Variants in CYP20A1 observed in about 807,000 individuals in gnomAD.
CYP20A1 encodes the protein cytochrome P450 family 20 subfamily A member 1, also known as cytochrome P450 20A1.
CYP20A1 carries 61 observed loss-of-function variants against 61.4 expected under a neutral mutation model. That is an observed-to-expected ratio of 0.99 (90% CI 0.81 to 1.23). The LOEUF (loss-of-function observed/expected upper bound fraction) is 1.23. CYP20A1 is among the 50% of genes most tolerant of loss of function. CYP20A1 has a pLI of 0.00. For synonymous variants in CYP20A1, 193 were observed against 188.2 expected, an observed-to-expected ratio of 1.03 and a Z score of -0.21; for missense variants, 530 against 542.4, an observed-to-expected ratio of 0.98 and a Z score of 0.23.
chr2:203,269,556 G>A (rs1575216686), intron 5 of CYP20A1, among the ~76,000 whole-genome samples: 2 of 150,762 alleles, frequency 1.3e-5, no homozygotes, highest in African/African-American at 4.9e-5. Flanking sequence ...ATGCAGTGGT[G>A]CAATCTCGGC....
Position 203,304,481 on chromosome 2 carries a change from G to A in CYP20A1, c.*7573G>A, listed in dbSNP as rs2069147061. 6.6e-6 allele frequency among the ~76,000 whole-genome samples: 1 copy of A among 152,096 alleles called. No individual in the cohort carries two copies. Among genetic ancestry groups the A allele is most frequent in the Admixed American group, 6.6e-5 (1 of 15,262 alleles). ...CAAAGTGCTGGGATTACAGGTGTGA[G>A]CCACAGCGCCCGGCCAAAAAAAGGA... On this transcript the variant is annotated 3_prime_UTR_variant, in exon 13 of 13. Transcript: ENST00000356079.
chr2:203,287,414 G>A (rs1013590676), intron 9 of CYP20A1, among the ~76,000 whole-genome samples: 5 of 151,738 alleles, frequency 3.3e-5, no homozygotes, highest in South Asian at 2.1e-4. Flanking sequence ...CCTTAAGCCC[G>A]TAACAGTTGG....
At chr2:203,273,645 A>G (rs76195997) in intron 6 of CYP20A1, among the ~76,000 whole-genome samples, 1 of 152,044 alleles carries the variant, frequency 6.6e-6, no homozygotes, top group African/African-American at 2.4e-5. Context: ...CAAAAAATTT[A>G]AAAAATTAGC....
chr2:203,273,067 G>A (rs556550695), intron 6 of CYP20A1, among the ~76,000 whole-genome samples: 43 of 152,164 alleles, frequency 2.8e-4, no homozygotes, highest in African/African-American at 8.4e-4. Context: ...GGATGGTCTC[G>A]ATCTCTTGAC....
At chr2:203,258,856 C>A (rs1200559155) in intron 4 of CYP20A1, among the ~76,000 whole-genome samples, 3 of 152,180 alleles carry the variant, frequency 2.0e-5, no homozygotes, top group Non-Finnish European at 4.4e-5. Context: ...TTTAAGCACT[C>A]ACCAGTCAGA....
In CYP20A1 at chr2:203,282,010, A is replaced by C. The variant is rs1469641393; in HGVS notation, c.850+1897A>C. 2.0e-5 allele frequency among the ~76,000 whole-genome samples: 3 copies of C among 150,846 alleles called. No homozygotes were observed. In the Admixed American group the frequency reaches 2.0e-4, roughly 10 times the overall value. On this transcript the variant is annotated intron_variant, in intron 8 of 12. Transcript: ENST00000356079. Reference sequence around the variant, plus strand: ...ATGACTAAATTGAATTTAGGTAAGCATATGTCAAAAATAATGTATTCAACC... The same window carrying C: ...ATGACTAAATTGAATTTAGGTAAGCCTATGTCAAAAATAATGTATTCAACC...
In CYP20A1 at chr2:203,263,019, A is replaced by C. The variant is rs553372070; in HGVS notation, c.433-3495A>C. Among the ~76,000 whole-genome samples, 43 of 143,638 alleles carry C rather than the reference A, an allele frequency of 3.0e-4. No homozygotes were observed. The East Asian group carries it at 6.3e-3, about 21-fold the overall frequency. The allele number at this position is 143,638 out of a possible 152,430, so 94.2% of individuals were successfully genotyped here. On this transcript the variant is annotated intron_variant, in intron 4 of 12. Transcript: ENST00000356079. ...TGTTTTTTGTTTTTTTTTGAGACGA[A>C]GTCTTGCTCTTGTCCCCCAGGCTGG...
intron 5 of CYP20A1, among the ~76,000 whole-genome samples, chr2:203,272,446 G>A (rs971786039): frequency 6.6e-6 from 1 of 151,686 alleles, no homozygotes; most frequent in African/African-American, 2.4e-5. Context: ...GGAGGCTGAG[G>A]TGGGAGAATG....
At chr2:203,261,306 C>T (rs1482518839) in intron 4 of CYP20A1, among the ~76,000 whole-genome samples, 1 of 151,678 alleles carries the variant, frequency 6.6e-6, no homozygotes, top group East Asian at 1.9e-4. Context: ...GCTTATAATC[C>T]CAGCACTTGG....
chr2:203,243,325 G>A (rs1482109248), intron 1 of CYP20A1, among the ~76,000 whole-genome samples: 1 of 151,802 alleles, frequency 6.6e-6, no homozygotes, highest in Non-Finnish European at 1.5e-5. Flanking sequence ...TGTATTTTTA[G>A]TAGAGACAGG....
chr2:203,255,304 T>TA (rs923242147), intron 4 of CYP20A1, among the ~76,000 whole-genome samples: 1 of 152,202 alleles, frequency 6.6e-6, no homozygotes, highest in Non-Finnish European at 1.5e-5. Flanking sequence ...TAATACTTTT[T>TA]AAAAAAACTA....
intron 5 of CYP20A1, among the ~76,000 whole-genome samples, chr2:203,268,606 G>GTTTGT (rs1303482546): frequency 6.1e-5 from 9 of 146,400 alleles, no homozygotes; most frequent in Non-Finnish European, 9.1e-5. Flanking sequence ...TTTTTTTTTT[G>GTTTGT]TTTGTTTTGT....
intron 4 of CYP20A1, among the ~76,000 whole-genome samples, chr2:203,265,363 C>T (rs1284598020): frequency 6.6e-6 from 1 of 152,160 alleles, no homozygotes; most frequent in Admixed American, 6.6e-5. Flanking sequence ...TTACAATAGG[C>T]ATTCTTGGCT....
chr2:203,283,048 T>G (rs2068107062), intron 8 of CYP20A1, among the ~76,000 whole-genome samples: 1 of 151,854 alleles, frequency 6.6e-6, no homozygotes, highest in South Asian at 2.1e-4. Context: ...TGGTGGCATG[T>G]GCCTGTAGTC....
intron 3 of CYP20A1, 102 bp downstream of exon 3, chr2:203,247,023 G>A (rs1401638763): frequency 8.8e-7 from 1 of 1,136,622 alleles, no homozygotes; most frequent in Non-Finnish European, 1.3e-6. Context: ...CACTTTGGGA[G>A]GCTGAGGCAG....
At chr2:203,293,201 G>C (rs1575276235) in intron 11 of CYP20A1, among the ~76,000 whole-genome samples, 1 of 139,596 alleles carries the variant, frequency 7.2e-6, no homozygotes, top group Admixed American at 7.6e-5. Flanking sequence ...TTTTAAAAAA[G>C]CAGAATTTCT....
intron 3 of CYP20A1, among the ~76,000 whole-genome samples, chr2:203,249,886 C>G (rs1378373644): frequency 6.6e-6 from 1 of 152,028 alleles, no homozygotes; most frequent in African/African-American, 2.4e-5. Context: ...TGGGCAAAAA[C>G]AAGCTCATTA....
rs755976703 is a variant in CYP20A1, at chr2:203,298,699, CAA to C, written c.*1806_*1807del. ...CTGGGTGTCGAGTGAAACTCATTCT[CAA>C]AAAAAAAAAAAAAAGGAGGTGGGGA... is the stretch of plus-strand genomic sequence containing the variant. On this transcript the variant is annotated 3_prime_UTR_variant, in exon 13 of 13. Coordinates refer to ENST00000356079, the MANE Select transcript of CYP20A1 (RefSeq NM_177538.3). Among the ~76,000 whole-genome samples the C allele has an allele frequency of 1.5e-4, 13 of 88,440 alleles. No homozygotes were observed. The highest frequency in any genetic ancestry group is 3.3e-4 in the East Asian group (1 of 3,020). 58.0% of individuals were successfully genotyped at this position (88,440 alleles called of 152,430 possible).
At chr2:203,272,315 A>G (rs1375207647) in intron 5 of CYP20A1, among the ~76,000 whole-genome samples, 1 of 152,008 alleles carries the variant, frequency 6.6e-6, no homozygotes, top group Non-Finnish European at 1.5e-5. Flanking sequence ...GACTGAGATG[A>G]GAAGATCACT....
Sources: allele counts gnomAD v4.1 joint callset (sites outside exome capture counted in the v4.1 genomes callset), GRCh38; gene constraint gnomAD v4.1.1; transcripts MANE v1.5; gene names NCBI Gene and HGNC (gene_info 2026-07-23, HGNC 2026-07-21).